TMTC1: variants seen among roughly 807,000 people sequenced by gnomAD.
TMTC1 encodes protein O-mannosyl-transferase TMTC1.
A neutral mutation model predicts 104.8 loss-of-function variants in TMTC1; 73 were observed. That is an observed-to-expected ratio of 0.70 (90% CI 0.58 to 0.85). TMTC1 has a LOEUF of 0.85. Ranked by LOEUF, TMTC1 falls within the 40% of genes least tolerant of loss-of-function variation. The pLI is 0.00. For missense variants in TMTC1, 1,035 were observed against 1,096.1 expected (o/e 0.94, Z 0.79); for synonymous variants, 434 against 428.7 (o/e 1.01, Z -0.15).
intron 10 of TMTC1, among the ~76,000 whole-genome samples, chr12:29,539,948 T>G (rs1944750047): frequency 6.6e-6 from 1 of 152,224 alleles, no homozygotes; most frequent in Non-Finnish European, 1.5e-5. Flanking sequence ...TATTCAACTC[T>G]GGTTCCCAGA....
chr12:29,546,570 A>T (rs1944947711), intron 10 of TMTC1, among the ~76,000 whole-genome samples: 1 of 152,122 alleles, frequency 6.6e-6, no homozygotes, highest in Non-Finnish European at 1.5e-5. Flanking sequence ...GAGCATTTTT[A>T]GATTTAAAAG....
At chr12:29,666,163 G>A (rs751556980) in intron 5 of TMTC1, 1 of 431,030 alleles carries the variant, frequency 2.3e-6, no homozygotes, top group Non-Finnish European at 4.5e-6. Context: ...ATCAATAAAT[G>A]CTTACTGAGC....
At chr12:29,737,587 T>C (rs1192254467) in intron 5 of TMTC1, among the ~76,000 whole-genome samples, 1 of 152,144 alleles carries the variant, frequency 6.6e-6, no homozygotes. Flanking sequence ...GGAAACAGAT[T>C]CCTGCTCCCA....
intron 5 of TMTC1, among the ~76,000 whole-genome samples, chr12:29,687,969 A>C (rs755086521): frequency 6.6e-6 from 1 of 152,176 alleles, no homozygotes; most frequent in Non-Finnish European, 1.5e-5. Flanking sequence ...GTTACATTGG[A>C]GGTCAGGGTT....
At chr12:29,760,320 A>C (rs1293120989) in intron 2 of TMTC1, among the ~76,000 whole-genome samples, 1 of 152,216 alleles carries the variant, frequency 6.6e-6, no homozygotes, top group Non-Finnish European at 1.5e-5. Flanking sequence ...TTCCTTCATT[A>C]AAAAGCCAGT....
chr12:29,733,758 A>T (rs971877002), intron 5 of TMTC1, among the ~76,000 whole-genome samples: 5 of 152,116 alleles, frequency 3.3e-5, no homozygotes, highest in Non-Finnish European at 7.4e-5. Flanking sequence ...CTATTCACTC[A>T]TCAGTCTTTC....
At position 29,732,120 on chromosome 12, in the gene TMTC1, C is replaced by T. The variant is rs140207893; in HGVS notation, c.938+19546G>A. Among the ~76,000 whole-genome samples, 17 of 152,044 alleles carry T rather than the reference C, an allele frequency of 1.1e-4. No individual in the cohort carries two copies. In the East Asian group the frequency reaches 2.9e-3, roughly 26 times the overall value. On this transcript the variant is annotated intron_variant, in intron 5 of 17. Coordinates refer to ENST00000539277, the MANE Select transcript of TMTC1 (RefSeq NM_001193451.2). ...GACTTCAAAATCTTTTTGAAAAGGG[C>T]ACACATAATAAAGGTTACCAATACA...
At chr12:29,658,579 A>C (rs1009362477) in intron 5 of TMTC1, 12 of 190,358 alleles carry the variant, frequency 6.3e-5, no homozygotes, top group African/African-American at 2.8e-4. Context: ...GTTTATAACA[A>C]CACCAACAGC....
intron 5 of TMTC1, among the ~76,000 whole-genome samples, chr12:29,747,543 C>T (rs1942984992): frequency 6.6e-6 from 1 of 152,180 alleles, no homozygotes; most frequent in African/African-American, 2.4e-5. Flanking sequence ...CAATTCTTGT[C>T]AACCTCACAC....
intron 7 of TMTC1, among the ~76,000 whole-genome samples, chr12:29,602,638 G>GGCCGGGCGCGGTGGCTCACGCCTGTAATC: frequency 6.6e-6 from 1 of 152,212 alleles, no homozygotes; most frequent in African/African-American, 2.4e-5. Flanking sequence ...AATATAACAT[G>GGCCGGGCGCGGTGGCTCACGCCTGTAATC]CTTATAATAG....
At chr12:29,759,283 T>A (rs914050049) in intron 2 of TMTC1, among the ~76,000 whole-genome samples, 4 of 151,968 alleles carry the variant, frequency 2.6e-5, no homozygotes, top group Non-Finnish European at 5.9e-5. Context: ...AACACTTGAG[T>A]TAACGAGTTC....
chr12:29,566,726 T>C (rs1473422131), intron 9 of TMTC1, among the ~76,000 whole-genome samples: 2 of 152,220 alleles, frequency 1.3e-5, no homozygotes, highest in African/African-American at 2.4e-5. Flanking sequence ...ATTGCCCTCA[T>C]TGCTTACGGA....
intron 5 of TMTC1, among the ~76,000 whole-genome samples, chr12:29,689,938 A>T (rs1403002882): frequency 1.3e-5 from 2 of 152,174 alleles, no homozygotes; most frequent in African/African-American, 2.4e-5. Flanking sequence ...TACAAGGTAG[A>T]TCATTGCATA....
chr12:29,508,761 A>G (rs1291848476), intron 17 of TMTC1, among the ~76,000 whole-genome samples: 1 of 152,056 alleles, frequency 6.6e-6, no homozygotes, highest in East Asian at 1.9e-4. Flanking sequence ...TTTTTGTAGT[A>G]GACAAAGGGT....
chr12:29,605,746 G>T (rs139737604), intron 6 of TMTC1, among the ~76,000 whole-genome samples: 1 of 151,846 alleles, frequency 6.6e-6, no homozygotes, highest in Non-Finnish European at 1.5e-5. Flanking sequence ...GGGTACATGC[G>T]CAGGTTTACT....
At chr12:29,766,960 T>TG (rs1012298525) in intron 2 of TMTC1, among the ~76,000 whole-genome samples, 7 of 151,932 alleles carry the variant, frequency 4.6e-5, no homozygotes, top group African/African-American at 7.3e-5. Context: ...AATACTTTTT[T>TG]TTTTTTTGAG....
rs145136506 is a variant in TMTC1, at chr12:29,777,899, G to A, written c.302+5551C>T. Among the ~76,000 whole-genome samples the A allele has an allele frequency of 1.2e-3, 180 of 152,268 alleles. 1 individual carries two copies. The highest frequency in any genetic ancestry group is 4.1e-3 in the African/African-American group (169 of 41,538). On this transcript the variant is annotated intron_variant, in intron 1 of 17. Coordinates refer to ENST00000539277, the MANE Select transcript of TMTC1 (RefSeq NM_001193451.2). Reference sequence around the variant, plus strand: ...TGTGTCAAAATGAAATCCCACAGAAGTTGAATGAAAAGGAATAGAAACAAA... The same window carrying A: ...TGTGTCAAAATGAAATCCCACAGAAATTGAATGAAAAGGAATAGAAACAAA...
chr12:29,557,118 T>G lies in TMTC1; in HGVS notation c.1533-118A>C, dbSNP rs145726913. The G allele has an allele frequency of 2.6e-6, 3 of 1,159,270 alleles. No homozygotes were observed. In the African/African-American group the frequency reaches 4.6e-5, roughly 18 times the overall value. The allele number at this position is 1,159,270 out of a possible 1,614,324, so 71.8% of individuals were successfully genotyped here. Reference sequence around the variant, plus strand: ...AAAATGAAACACTGAATTATTCTTGTACTTGAATGGTTTGTGTCCAATCTT... The same window carrying G: ...AAAATGAAACACTGAATTATTCTTGGACTTGAATGGTTTGTGTCCAATCTT... On this transcript the variant is annotated intron_variant, in intron 9 of 17. Transcript: ENST00000539277.
chr12:29,704,757 T>C (rs1422786126), intron 5 of TMTC1, among the ~76,000 whole-genome samples: 1 of 152,184 alleles, frequency 6.6e-6, no homozygotes, highest in Non-Finnish European at 1.5e-5. Flanking sequence ...GATCCAAGAA[T>C]GACCTGTCTG....
Sources: allele counts gnomAD v4.1 joint callset (sites outside exome capture counted in the v4.1 genomes callset), GRCh38; gene constraint gnomAD v4.1.1; transcripts MANE v1.5; gene names NCBI Gene and HGNC (gene_info 2026-07-23, HGNC 2026-07-21).